The following PXDN variants were observed in gnomAD, a reference collection of about 807,000 sequenced individuals.
The protein encoded by PXDN is peroxidasin homolog.
PXDN carries 77 observed loss-of-function variants against 140.3 expected under a neutral mutation model. That is an observed-to-expected ratio of 0.55 (90% CI 0.46 to 0.66). The LOEUF is 0.66. Among genes scored for constraint, PXDN ranks in the 30% least tolerant of loss-of-function variants. PXDN has a pLI of 0.00. For synonymous variants in PXDN, 911 were observed against 857.4 expected (o/e 1.06, Z -1.09); for missense variants, 1,838 against 2,039.5 (o/e 0.90, Z 1.90).
rs531175244 is a variant in PXDN, at chr2:1,664,980, G to C, written c.1386C>G (p.Pro462=). ...TACCTCCCTTGGTCCAGGCGATGAC[G>C]GGCGGCGGGTTGCCCTTGGCTTCAC... The part of the protein sequence containing the change: ...FQCEAKGNPP[P]VIAWTKGGSQ... Residue 462 remains proline, a synonymous_variant, in exon 11 of 23, where the codon CCC becomes CCG. Coordinates refer to ENST00000252804, the MANE Select transcript of PXDN (RefSeq NM_012293.3). The C allele has an allele frequency of 6.2e-7, 1 of 1,611,738 alleles. No individual in the cohort carries two copies.
intron 21 of PXDN, among the ~76,000 whole-genome samples, chr2:1,637,690 ACAC>A (rs1682602135): frequency 8.1e-5 from 9 of 111,398 alleles, no homozygotes; most frequent in South Asian, 3.4e-4. Flanking sequence ...AGGACCTGCC[ACAC>A]GCTGTCCACT....
Position 1,713,044 on chromosome 2 carries a change from A to G in PXDN, c.201-19910T>C, listed in dbSNP as rs188150714. The stretch of plus-strand genomic sequence containing the variant: ...CCGGCCGTTTTGGAGTATGTTGTAT[A>G]TTTTTTCTTAAAAAGAATACTCCTT... On this transcript the variant is annotated intron_variant, in intron 1 of 22. Coordinates refer to ENST00000252804, the MANE Select transcript of PXDN (RefSeq NM_012293.3). Among the ~76,000 whole-genome samples the G allele has an allele frequency of 2.6e-5, 4 of 152,088 alleles. No individual in the cohort carries two copies. In the East Asian group the frequency reaches 7.8e-4, roughly 30 times the overall value.
At position 1,742,429 on chromosome 2, in the gene PXDN, G is replaced by A. The variant is rs775449133; in HGVS notation, c.200+1827C>T. ...AAGTGTTGTGCGAGTGGACGATGATGTCACCCGTCTACTCTCAGCTCCTTT... is the reference window on the plus strand; with the variant it reads ...AAGTGTTGTGCGAGTGGACGATGATATCACCCGTCTACTCTCAGCTCCTTT... On this transcript the variant is annotated intron_variant, in intron 1 of 22. Coordinates refer to ENST00000252804, the MANE Select transcript of PXDN (RefSeq NM_012293.3). Among the ~76,000 whole-genome samples the A allele has an allele frequency of 1.1e-3, 162 of 152,208 alleles. 3 individuals are homozygous for A. The highest frequency in any genetic ancestry group is 4.3e-4 in the Non-Finnish European group (29 of 68,032).
chr2:1,690,975 A>C (rs563334506), intron 3 of PXDN, among the ~76,000 whole-genome samples: 1 of 152,324 alleles, frequency 6.6e-6, no homozygotes, highest in East Asian at 1.9e-4. Context: ...CATTAGCACA[A>C]ATACCTAATG....
rs118071560 is a variant in PXDN, at chr2:1,693,751, G to A, written c.201-617C>T. On this transcript the variant is annotated intron_variant, in intron 1 of 22. Coordinates refer to ENST00000252804, the MANE Select transcript of PXDN (RefSeq NM_012293.3). ...TAAGGCAGTTATTTATTCATATTTC[G>A]GGGGTGGAGAGAGGATCCGAATAGC... Among the ~76,000 whole-genome samples the A allele has an allele frequency of 1.3e-4, 20 of 152,350 alleles. 1 individual carries two copies. The East Asian group carries it at 3.5e-3, about 26-fold the overall frequency.
intron 7 of PXDN, among the ~76,000 whole-genome samples, chr2:1,678,350 C>T (rs1212660458): frequency 1.3e-5 from 2 of 152,180 alleles, no homozygotes; most frequent in East Asian, 1.9e-4. Flanking sequence ...AATAAGCTTT[C>T]GCTGCTTTCT....
chr2:1,687,525 C>T lies in PXDN; in HGVS notation c.416+107G>A. 1.3e-6 allele frequency: 1 copy of T among 773,856 alleles called. No homozygotes were observed. The highest frequency in any genetic ancestry group is 1.9e-6 in the Non-Finnish European group (1 of 520,058). The allele number at this position is 773,856 out of a possible 1,614,324, so 47.9% of individuals were successfully genotyped here. ...CACGTACTCCCCGCACCTCAGGTAGCATAGTCATGCATCATGCAAACAGCT... is the reference window on the plus strand; with the variant it reads ...CACGTACTCCCCGCACCTCAGGTAGTATAGTCATGCATCATGCAAACAGCT... On this transcript the variant is annotated intron_variant, in intron 4 of 22. Coordinates refer to ENST00000252804, the MANE Select transcript of PXDN (RefSeq NM_012293.3). The surrounding 1 kb of genome is among the most constrained non-coding windows in gnomAD (Gnocchi z 4.0).
intron 1 of PXDN, among the ~76,000 whole-genome samples, chr2:1,703,440 G>A (rs1371140340): frequency 1.9e-5 from 1 of 51,674 alleles, no homozygotes; most frequent in Non-Finnish European, 3.8e-5. Flanking sequence ...AGGTGAAGCG[G>A]GGGACAACTC....
intron 11 of PXDN, 73 bp from the exon 12 acceptor site, chr2:1,663,836 G>T: frequency 6.4e-7 from 1 of 1,553,886 alleles, no homozygotes; most frequent in South Asian, 1.2e-5. Context: ...CTGACAGCAT[G>T]ACCACAGAAG....
chr2:1,664,039 G>A (rs1055523868), intron 11 of PXDN: 5 of 421,800 alleles, frequency 1.2e-5, no homozygotes, highest in African/African-American at 7.9e-5. Context: ...GGGACTCGGG[G>A]AGTCAGAGCG....
At chr2:1,724,970 C>T (rs1425670210) in intron 1 of PXDN, among the ~76,000 whole-genome samples, 1 of 152,052 alleles carries the variant, frequency 6.6e-6, no homozygotes, top group Non-Finnish European at 1.5e-5. Context: ...GATAGTTAAA[C>T]AATATTAAGT....
intron 1 of PXDN, among the ~76,000 whole-genome samples, chr2:1,701,609 G>T (rs1684431795): frequency 6.6e-6 from 1 of 151,918 alleles, no homozygotes; most frequent in Non-Finnish European, 1.5e-5. Context: ...GGGAGGTGCG[G>T]AATGGGGTGG....
intron 13 of PXDN, among the ~76,000 whole-genome samples, chr2:1,661,475 C>T (rs573391187): frequency 5.9e-5 from 9 of 152,302 alleles, no homozygotes; most frequent in Admixed American, 2.6e-4. Context: ...GGAACAAGAG[C>T]AGATGCCTGG....
At chr2:1,642,929 C>T (rs886207065) in intron 19 of PXDN, among the ~76,000 whole-genome samples, 1 of 152,246 alleles carries the variant, frequency 6.6e-6, no homozygotes, top group Non-Finnish European at 1.5e-5. Context: ...CATCTATCTT[C>T]AGTCACTTAT....
At chr2:1,689,178 C>T (rs1039762082) in intron 3 of PXDN, among the ~76,000 whole-genome samples, 6 of 152,166 alleles carry the variant, frequency 3.9e-5, no homozygotes, top group African/African-American at 1.4e-4. Context: ...CTAAAATGGA[C>T]AGAAGTTGTT....
chr2:1,726,429 G>T, intron 1 of PXDN, among the ~76,000 whole-genome samples: 1 of 143,964 alleles, frequency 6.9e-6, no homozygotes, highest in Non-Finnish European at 1.5e-5. Flanking sequence ...GGACTGTTGT[G>T]GGGTCGGGGG....
At chr2:1,730,188 T>C (rs1042291756) in intron 1 of PXDN, among the ~76,000 whole-genome samples, 1 of 152,250 alleles carries the variant, frequency 6.6e-6, no homozygotes, top group African/African-American at 2.4e-5. Context: ...TGTTTATTTT[T>C]AAATTTTTCT....
chr2:1,670,950 T>TC (rs1335093134), intron 9 of PXDN, among the ~76,000 whole-genome samples: 1 of 150,992 alleles, frequency 6.6e-6, no homozygotes, highest in African/African-American at 2.4e-5. Flanking sequence ...GCTGCCCAAC[T>TC]CCCCCCACAT....
chr2:1,634,329 G>A lies in PXDN; in HGVS notation c.4321-6C>T, dbSNP rs182973478. ...AAGCAGGTGACCTGCCCGTCCTGGA[G>A]AAGAGAGACGGAGCACAGCCTGTCA... On this transcript the variant is annotated splice_region_variant and splice_polypyrimidine_tract_variant and intron_variant, in intron 22 of 22. Transcript: ENST00000252804. 6.4e-7 allele frequency: 1 copy of A among 1,571,346 alleles called. No homozygotes were observed. Among genetic ancestry groups the A allele is most frequent in the Non-Finnish European group, 8.6e-7 (1 of 1,157,682 alleles).
Sources: allele counts gnomAD v4.1 joint callset (sites outside exome capture counted in the v4.1 genomes callset), GRCh38; gene constraint gnomAD v4.1.1; non-coding constraint Gnocchi (gnomAD v3.1); transcripts MANE v1.5; gene names NCBI Gene and HGNC (gene_info 2026-07-23, HGNC 2026-07-21).